Variants in BLOC1S5 observed in about 807,000 individuals in gnomAD.
BLOC1S5 encodes biogenesis of lysosomal organelles complex 1 subunit 5.
A neutral mutation model predicts 24.3 loss-of-function variants in BLOC1S5; 27 were observed. The observed-to-expected ratio is 1.11, with a 90% CI of 0.82 to 1.53. BLOC1S5 has a LOEUF of 1.53. BLOC1S5 is among the 40% of genes most tolerant of loss of function. The pLI is 0.00. For missense variants in BLOC1S5, 239 were observed against 229.4 expected, an observed-to-expected ratio of 1.04 and a Z score of -0.27; for synonymous variants, 84 against 74.5, an observed-to-expected ratio of 1.13 and a Z score of -0.66.
rs1561850162 is a variant in BLOC1S5, at chr6:8,013,668, C to T, written c.*1981G>A. ...CAGTTAAGAATATATTCCCTTCACA[C>T]ACACAATCTTAATTTCTTGGTTACA... On this transcript the variant is annotated 3_prime_UTR_variant, in exon 5 of 5. Coordinates refer to ENST00000397457, the MANE Select transcript of BLOC1S5 (RefSeq NM_201280.3). The T allele has an allele frequency of 6.6e-6, 1 of 152,214 alleles. No individual in the cohort carries two copies. The highest frequency in any genetic ancestry group is 1.5e-5 in the Non-Finnish European group (1 of 68,036). The allele number at this position is 152,214 out of a possible 1,614,324, so 9.4% of individuals were successfully genotyped here.
At chr6:8,057,939 G>A (rs1477549905) in intron 2 of BLOC1S5, among the ~76,000 whole-genome samples, 1 of 152,016 alleles carries the variant, frequency 6.6e-6, no homozygotes, top group South Asian at 2.1e-4. Context: ...TTCCTCTTCT[G>A]AGCTCTCAAG....
chr6:8,037,590 C>G (rs957594498), intron 3 of BLOC1S5, among the ~76,000 whole-genome samples: 2 of 152,066 alleles, frequency 1.3e-5, no homozygotes, highest in African/African-American at 4.8e-5. Flanking sequence ...AAAATACCAA[C>G]GACATTTTTC....
At chr6:8,058,056 G>A (rs1278883264) in intron 2 of BLOC1S5, among the ~76,000 whole-genome samples, 1 of 151,976 alleles carries the variant, frequency 6.6e-6, no homozygotes, top group African/African-American at 2.4e-5. Flanking sequence ...CTATTTATTT[G>A]TACATGTCTT....
chr6:8,023,867 T>TG, intron 4 of BLOC1S5, among the ~76,000 whole-genome samples: 1 of 151,988 alleles, frequency 6.6e-6, no homozygotes, highest in Non-Finnish European at 1.5e-5. Context: ...TGTGTATGTG[T>TG]GGGGTTTGAA....
At position 8,015,388 on chromosome 6, in the gene BLOC1S5, CAA is replaced by C. The variant is rs1295969484; in HGVS notation, c.*259_*260del. 4.4e-5 allele frequency: 17 copies of C among 383,552 alleles called. No individual in the cohort carries two copies. Among genetic ancestry groups the C allele is most frequent in the Non-Finnish European group, 4.6e-5 (10 of 215,300 alleles). The allele number at this position is 383,552 out of a possible 1,614,324, so 23.8% of individuals were successfully genotyped here. On this transcript the variant is annotated 3_prime_UTR_variant, in exon 5 of 5. Transcript: ENST00000397457. Reference sequence around the variant, plus strand: ...GGAAAAGATGATCAATTCTGACTAACAAAGAGTATATTGATTCCATTTTCCTT... The same window carrying C: ...GGAAAAGATGATCAATTCTGACTAACAGAGTATATTGATTCCATTTTCCTT...
intron 4 of BLOC1S5, 76 bp from the exon 5 acceptor site, chr6:8,015,904 T>C: frequency 1.5e-6 from 2 of 1,334,508 alleles, no homozygotes; most frequent in Non-Finnish European, 1.0e-6. Flanking sequence ...TGATACTTGG[T>C]TACCGTAACA....
rs540632281 is a variant in BLOC1S5, at chr6:8,026,306, C to T, written c.384+61G>A. On this transcript the variant is annotated intron_variant, in intron 4 of 4. Coordinates refer to ENST00000397457, the MANE Select transcript of BLOC1S5 (RefSeq NM_201280.3). ...AGAATTTTCTGATCAAAAGCAATTG[C>T]TAATAATATGATAATAAAGATGCAA... The T allele has an allele frequency of 9.6e-6, 13 of 1,353,402 alleles. No homozygotes were observed. In the East Asian group the frequency reaches 2.5e-4, roughly 26 times the overall value. 83.8% of individuals were successfully genotyped at this position (1,353,402 alleles called of 1,614,324 possible).
In BLOC1S5 at chr6:8,015,671, A is replaced by G. The variant is rs951449648; in HGVS notation, c.542T>C (p.Leu181Pro). The G allele has an allele frequency of 3.7e-6, 6 of 1,610,732 alleles. No homozygotes were observed. The highest frequency in any genetic ancestry group is 5.1e-6 in the Non-Finnish European group (6 of 1,179,180). Residue 181 changes from leucine (L) to proline (P), a missense_variant, in exon 5 of 5, where the codon CTA (leucine) becomes CCA (proline). Transcript: ENST00000397457. Reference sequence around the variant, plus strand: ...TTCTTAAAAGGTTGAAAATTTCGCTAGGTCCTTCTCCATCTCAGCATATTG... The same window carrying G: ...TTCTTAAAAGGTTGAAAATTTCGCTGGGTCCTTCTCCATCTCAGCATATTG... ...KEQYAEMEKD[L>P]AKFSTF is the part of the protein sequence containing the mutation.
intron 3 of BLOC1S5, among the ~76,000 whole-genome samples, chr6:8,032,562 G>T (rs1168629151): frequency 6.6e-6 from 1 of 152,010 alleles, no homozygotes; most frequent in African/African-American, 2.4e-5. Flanking sequence ...TTTGAAAACG[G>T]GCACAAGACA....
At chr6:8,020,338 G>C (rs931718409) in intron 4 of BLOC1S5, among the ~76,000 whole-genome samples, 1 of 152,226 alleles carries the variant, frequency 6.6e-6, no homozygotes, top group Non-Finnish European at 1.5e-5. Context: ...AGGTGTGGGG[G>C]TATGGCATGG....
At chr6:8,032,366 T>C (rs1363180752) in intron 3 of BLOC1S5, among the ~76,000 whole-genome samples, 2 of 152,040 alleles carry the variant, frequency 1.3e-5, no homozygotes, top group Non-Finnish European at 2.9e-5. Context: ...AAATGCTCAA[T>C]ATCAATAATT....
At chr6:8,034,311 G>A (rs1035214626) in intron 3 of BLOC1S5, among the ~76,000 whole-genome samples, 3 of 152,182 alleles carry the variant, frequency 2.0e-5, no homozygotes, top group Non-Finnish European at 2.9e-5. Flanking sequence ...AAAAAAGGAT[G>A]AGTTTATGTC....
Position 8,062,594 on chromosome 6 carries a change from C to T in BLOC1S5, c.135G>A (p.Arg45=), listed in dbSNP as rs766809127. The T allele has an allele frequency of 6.2e-7, 1 of 1,602,004 alleles. No homozygotes were observed. The highest frequency in any genetic ancestry group is 1.7e-5 in the Admixed American group (1 of 58,462). Residue 45 remains arginine (R), a synonymous_variant, in exon 2 of 5, where the codon AGG becomes AGA. Transcript: ENST00000397457. The part of the protein sequence containing the change: ...IIKDLGEIHS[R]LLDHRPVIQG... The stretch of plus-strand genomic sequence containing the variant: ...GAATAACTGGTCTGTGATCCAAAAG[C>T]CTTGAATGAATTTCTCCAAGATCTA...
chr6:8,062,110 T>C (rs141994918), intron 2 of BLOC1S5, among the ~76,000 whole-genome samples: 2,395 of 152,298 alleles, frequency 0.016, 62 homozygotes, highest in African/African-American at 0.054. Context: ...GGTCACTGAA[T>C]GTGGAACCTG....
chr6:8,063,851 C>T (rs2815154), intron 1 of BLOC1S5, among the ~76,000 whole-genome samples: 68,506 of 152,074 alleles, frequency 0.45, 15,991 homozygotes, highest in East Asian at 0.76. Flanking sequence ...CCTCGCACGA[C>T]CAGGAACAGA....
rs756501242 is a variant in BLOC1S5, at chr6:8,026,338, T to C, written c.384+29A>G. Reference sequence around the variant, plus strand: ...TATGATAATAAAGATGCAAGAATTATATGCCTCATTATCTAAATGATCTTT... The same window carrying C: ...TATGATAATAAAGATGCAAGAATTACATGCCTCATTATCTAAATGATCTTT... On this transcript the variant is annotated intron_variant, in intron 4 of 4. Coordinates refer to ENST00000397457, the MANE Select transcript of BLOC1S5 (RefSeq NM_201280.3). The C allele has an allele frequency of 5.3e-6, 8 of 1,522,096 alleles. No homozygotes were observed. In the South Asian group the frequency reaches 7.9e-5, roughly 15 times the overall value. 94.3% of individuals were successfully genotyped at this position (1,522,096 alleles called of 1,614,324 possible).
At chr6:8,055,117 T>C (rs9406087) in intron 2 of BLOC1S5, among the ~76,000 whole-genome samples, 9,388 of 152,288 alleles carry the variant, frequency 0.062, 470 homozygotes, top group East Asian at 0.18. Context: ...AATTTTCTTA[T>C]GCTCCCAGAG....
rs531596688 is a variant in BLOC1S5, at chr6:8,014,140, T to A, written c.*1509A>T. On this transcript the variant is annotated 3_prime_UTR_variant, in exon 5 of 5. Transcript: ENST00000397457. ...GCTGGATATTTTCTTTCTTGTGCCT[T>A]TCTTTACTAAAGAGCAATAAAAAAT... 2.0e-5 allele frequency: 3 copies of A among 152,330 alleles called. No individual in the cohort carries two copies. The highest frequency in any genetic ancestry group is 6.5e-5 in the Admixed American group (1 of 15,308). The allele number at this position is 152,330 out of a possible 1,614,324, so 9.4% of individuals were successfully genotyped here. A position where few individuals can be genotyped will look rare whatever the true frequency, so the allele number is the denominator to read the frequency against.
At chr6:8,035,489 G>A (rs913611515) in intron 3 of BLOC1S5, among the ~76,000 whole-genome samples, 1 of 152,012 alleles carries the variant, frequency 6.6e-6, no homozygotes, top group East Asian at 1.9e-4. Flanking sequence ...GCAGCAGTTG[G>A]GTGAAATGTT....
Sources: allele counts gnomAD v4.1 joint callset (sites outside exome capture counted in the v4.1 genomes callset), GRCh38; gene constraint gnomAD v4.1.1; transcripts MANE v1.5; gene names NCBI Gene and HGNC (gene_info 2026-07-23, HGNC 2026-07-21).